ELAPOR2: variants seen among roughly 807,000 people sequenced by gnomAD.
ELAPOR2 encodes the protein endosome-lysosome associated apoptosis and autophagy regulator family member 2.
In ELAPOR2, 89 loss-of-function variants were observed where a neutral mutation model predicts 120.7. The observed-to-expected ratio is 0.74, with a 90% CI of 0.62 to 0.88. The LOEUF (loss-of-function observed/expected upper bound fraction) is 0.88, where lower values mean the gene tolerates loss of function less well. Among genes scored for constraint, ELAPOR2 ranks in the 40% least tolerant of loss-of-function variants. ELAPOR2 has a pLI of 0.00. For missense variants in ELAPOR2, 1,134 were observed against 1,251.6 expected (o/e 0.91, Z 1.42); for synonymous variants, 444 against 444.9 (o/e 1.00, Z 0.03).
intron 1 of ELAPOR2, among the ~76,000 whole-genome samples, chr7:87,006,949 A>T (rs1793502125): frequency 6.6e-6 from 1 of 152,190 alleles, no homozygotes; most frequent in African/African-American, 2.4e-5. Context: ...AAGAAGCCAG[A>T]CACACACACA....
chr7:87,040,052 G>A (rs922082227), intron 1 of ELAPOR2, among the ~76,000 whole-genome samples: 9 of 152,226 alleles, frequency 5.9e-5, no homozygotes, highest in South Asian at 2.1e-4. Context: ...CGAATACTGC[G>A]CTTTTCCGAC....
chr7:86,959,757 T>C (rs1791631822), intron 2 of ELAPOR2, among the ~76,000 whole-genome samples: 1 of 152,220 alleles, frequency 6.6e-6, no homozygotes, highest in South Asian at 2.1e-4. Flanking sequence ...ATTTCCTTCC[T>C]TAGGCCAGTT....
At chr7:87,006,182 C>A (rs1172333998) in intron 1 of ELAPOR2, among the ~76,000 whole-genome samples, 3 of 152,082 alleles carry the variant, frequency 2.0e-5, no homozygotes, top group Non-Finnish European at 4.4e-5. Context: ...AGAATCAGCA[C>A]AGGACTTCAA....
intron 1 of ELAPOR2, among the ~76,000 whole-genome samples, chr7:87,038,547 A>T (rs1794658518): frequency 1.3e-5 from 2 of 152,206 alleles, no homozygotes; most frequent in Admixed American, 6.5e-5. Flanking sequence ...GTCACAAAAT[A>T]AGTCTTAATA....
chr7:86,880,254 G>A lies in ELAPOR2; in HGVS notation c.*217C>T. 1 of 573,906 alleles carries A rather than the reference G, an allele frequency of 1.7e-6. No individual in the cohort carries two copies. The highest frequency in any genetic ancestry group is 2.9e-5 in the East Asian group (1 of 34,094). The allele number at this position is 573,906 out of a possible 1,614,324, so 35.6% of individuals were successfully genotyped here. Reference sequence around the variant, plus strand: ...CTTCCTGAGTTGAGCTTCATCTTCAGTTGAGACCCAAATCATTTGCTTTCC... The same window carrying A: ...CTTCCTGAGTTGAGCTTCATCTTCAATTGAGACCCAAATCATTTGCTTTCC... On this transcript the variant is annotated 3_prime_UTR_variant, in exon 22 of 22. Coordinates refer to ENST00000450689, the MANE Select transcript of ELAPOR2 (RefSeq NM_001142749.3).
chr7:87,029,834 T>A (rs2116729007), intron 1 of ELAPOR2, among the ~76,000 whole-genome samples: 2 of 151,468 alleles, frequency 1.3e-5, no homozygotes, highest in South Asian at 4.2e-4. Context: ...TACAAAGAGG[T>A]CATAGAAGAG....
At chr7:87,045,112 G>T (rs1794908016) in intron 1 of ELAPOR2, among the ~76,000 whole-genome samples, 1 of 111,998 alleles carries the variant, frequency 8.9e-6, no homozygotes, top group Non-Finnish European at 1.7e-5. Context: ...GAAACAACAG[G>T]TGCTGGAGAG....
intron 18 of ELAPOR2, among the ~76,000 whole-genome samples, chr7:86,903,423 T>C (rs1401353214): frequency 2.6e-5 from 4 of 152,222 alleles, no homozygotes; most frequent in Non-Finnish European, 5.9e-5. Context: ...GACTTACATA[T>C]CTATTATCTG....
At chr7:86,935,330 C>T (rs1790517860) in intron 8 of ELAPOR2, among the ~76,000 whole-genome samples, 1 of 151,994 alleles carries the variant, frequency 6.6e-6, no homozygotes, top group Admixed American at 6.6e-5. Flanking sequence ...ACACTATGCT[C>T]CTTCCCATGT....
intron 1 of ELAPOR2, among the ~76,000 whole-genome samples, chr7:87,022,219 T>C (rs1794067675): frequency 1.6e-5 from 2 of 123,262 alleles, no homozygotes; most frequent in Admixed American, 8.6e-5. Context: ...CCTAATGCTA[T>C]CCCTCCCCCC....
intron 1 of ELAPOR2, among the ~76,000 whole-genome samples, chr7:86,978,841 G>A (rs1206617149): frequency 1.3e-5 from 2 of 152,146 alleles, no homozygotes; most frequent in Non-Finnish European, 2.9e-5. Flanking sequence ...TGTGTTTCAG[G>A]TCATAAACTA....
intron 12 of ELAPOR2, among the ~76,000 whole-genome samples, chr7:86,915,269 C>CT (rs1374559503): frequency 6.6e-6 from 1 of 151,946 alleles, no homozygotes; most frequent in Non-Finnish European, 1.5e-5. Flanking sequence ...AATTTTTTAT[C>CT]TTTTTCCTTC....
In ELAPOR2 at chr7:87,059,532, GGCGGGCCGGCGGCAAGGCAGCCTTCCC is replaced by G. The variant is rs1231015976; in HGVS notation, c.-46_-20del. 8.5e-7 allele frequency: 1 copy of G among 1,175,670 alleles called. No homozygotes were observed. Among genetic ancestry groups the G allele is most frequent in the African/African-American group, 1.6e-5 (1 of 62,206 alleles). 72.8% of individuals were successfully genotyped at this position (1,175,670 alleles called of 1,614,324 possible). A position where few individuals can be genotyped will look rare whatever the true frequency, so the allele number is the denominator to read the frequency against. ...ACAGCATCTTCGTCCGGCCGCGGTC[GGCGGGCCGGCGGCAAGGCAGCCTTCCC>G]GGGGTGCGGCGGCAGCTCCGGCTCC... On this transcript the variant is annotated 5_prime_UTR_variant, in exon 1 of 22. Coordinates refer to ENST00000450689, the MANE Select transcript of ELAPOR2 (RefSeq NM_001142749.3).
intron 1 of ELAPOR2, among the ~76,000 whole-genome samples, chr7:87,012,435 A>G (rs1009488083): frequency 5.3e-5 from 8 of 152,194 alleles, no homozygotes; most frequent in African/African-American, 1.9e-4. Context: ...AAAGTAGTCA[A>G]TATCCACAAA....
chr7:87,031,550 A>G (rs1280802643), intron 1 of ELAPOR2, among the ~76,000 whole-genome samples: 1 of 152,210 alleles, frequency 6.6e-6, no homozygotes, highest in Non-Finnish European at 1.5e-5. Flanking sequence ...GGTTAGCTCC[A>G]AAAATCAAGA....
At chr7:86,992,470 T>C (rs1205751745) in intron 1 of ELAPOR2, among the ~76,000 whole-genome samples, 1 of 152,116 alleles carries the variant, frequency 6.6e-6, no homozygotes, top group Non-Finnish European at 1.5e-5. Flanking sequence ...TTAAACTGAG[T>C]ATTCCAAGAT....
intron 1 of ELAPOR2, among the ~76,000 whole-genome samples, chr7:86,985,144 G>C (rs897318935): frequency 6.6e-6 from 1 of 152,076 alleles, no homozygotes; most frequent in African/African-American, 2.4e-5. Flanking sequence ...GGAAGAAATT[G>C]AAAATTGAAT....
intron 13 of ELAPOR2, among the ~76,000 whole-genome samples, chr7:86,913,970 G>T (rs1473986250): frequency 6.6e-6 from 1 of 152,128 alleles, no homozygotes; most frequent in Non-Finnish European, 1.5e-5. Flanking sequence ...CCACAGGATG[G>T]TTATCTTAAC....
intron 10 of ELAPOR2, among the ~76,000 whole-genome samples, chr7:86,922,630 G>T (rs1016276277): frequency 1.3e-4 from 19 of 151,758 alleles, no homozygotes; most frequent in Admixed American, 9.2e-4. Context: ...TCATAAACAT[G>T]TTAATGACTG....
Sources: gnomAD v4.1 joint callset for allele counts (sites outside exome capture counted in the v4.1 genomes callset) on GRCh38, gnomAD v4.1.1 for gene constraint, MANE v1.5 for transcripts, NCBI Gene and HGNC (gene_info 2026-07-23, HGNC 2026-07-21) for gene names.